Variants in PIGT observed in about 807,000 individuals in gnomAD.
PIGT encodes the protein GPI-anchor transamidase component PIGT.
A neutral mutation model predicts 66.7 loss-of-function variants in PIGT; 57 were observed. The ratio of observed to expected loss-of-function variants is 0.86; its 90% CI spans 0.69 to 1.07. The LOEUF (loss-of-function observed/expected upper bound fraction) is 1.07. Among genes scored for constraint, PIGT ranks in the 50% least tolerant of loss-of-function variants. The pLI is 0.00. For missense variants in PIGT, 725 were observed against 740.4 expected, an observed-to-expected ratio of 0.98 and a Z score of 0.24; for synonymous variants, 362 against 320.5, an observed-to-expected ratio of 1.13 and a Z score of -1.38.
chr20:45,416,359 C>G lies in PIGT; in HGVS notation c.187+16C>G, dbSNP rs1266498109. Reference sequence around the variant, plus strand: ...CGGGAAGGAGGTGAGGGCGCGAGATCTGACCAGGGAAAGATTTCCGTAGTG... The same window carrying G: ...CGGGAAGGAGGTGAGGGCGCGAGATGTGACCAGGGAAAGATTTCCGTAGTG... On this transcript the variant is annotated intron_variant, in intron 1 of 11. Coordinates refer to ENST00000279036, the MANE Select transcript of PIGT (RefSeq NM_015937.6). 2 of 1,571,278 alleles carry G rather than the reference C, an allele frequency of 1.3e-6. No homozygotes were observed. Among genetic ancestry groups the G allele is most frequent in the Non-Finnish European group, 8.6e-7 (1 of 1,156,152 alleles).
rs1313278332 is a variant in PIGT at position 45,424,816 on chromosome 20, T to C, written c.1484+237T>C. 8.9e-6 allele frequency: 5 copies of C among 559,268 alleles called. No homozygotes were observed. The Admixed American group carries it at 9.1e-5, about 10-fold the overall frequency. 34.6% of individuals were successfully genotyped at this position (559,268 alleles called of 1,614,324 possible). A position where few individuals can be genotyped will look rare whatever the true frequency, so the allele number is the denominator to read the frequency against. On this transcript the variant is annotated intron_variant, in intron 11 of 11. Transcript: ENST00000279036. ...TTTACTTACAGCCTACATTTACTTC[T>C]TGATGCTCTTAAATATTTAATCAAG...
At chr20:45,418,139 C>T (rs971280990) in intron 2 of PIGT, 2 of 152,728 alleles carry the variant, frequency 1.3e-5, no homozygotes, top group Admixed American at 1.3e-4. Context: ...AATCCTAGAA[C>T]AGTTGTTTTT....
Position 45,416,289 on chromosome 20 carries a change from G to A in PIGT, c.133G>A (p.Ala45Thr), listed in dbSNP as rs1485535373. 1 of 1,598,630 alleles carries A rather than the reference G, an allele frequency of 6.3e-7. No individual in the cohort carries two copies. Among genetic ancestry groups the A allele is most frequent in the East Asian group, 2.3e-5 (1 of 44,146 alleles). ...VITPLPSGDV[A>T]ATFQFRTRWD... ...CACCCCGCTGCCTTCCGGGGACGTA[G>A]CCGCCACATTCCAGTTCCGCACGCG... is the stretch of plus-strand genomic sequence containing the variant. The change falls in exon 1 of 12, where the codon GCC (alanine) becomes ACC (threonine). Residue 45 changes from alanine (A) to threonine (T), a missense_variant. Physicochemically the swap from Ala to Thr is moderately conservative, Grantham distance 58 (BLOSUM62 0). Around this residue, in one of 3 missense-constraint regions of PIGT, gnomAD observed 559 missense variants for 552.7 expected, o/e 1.01. Transcript: ENST00000279036.
intron 11 of PIGT, 89 bp downstream of exon 11, chr20:45,424,668 G>C (rs1423028387): frequency 1.1e-6 from 1 of 930,528 alleles, no homozygotes; most frequent in African/African-American, 1.6e-5. Context: ...GGGAGTTCAG[G>C]GTAGATGTTA....
rs1482201175 is a variant in PIGT at position 45,425,957 on chromosome 20, A to T, written c.*131A>T. On this transcript the variant is annotated 3_prime_UTR_variant, in exon 12 of 12. Coordinates refer to ENST00000279036, the MANE Select transcript of PIGT (RefSeq NM_015937.6). ...TGCCCTGGACCAGGTCAGGGCCTAC[A>T]GCTGTGTTGTCCAGTACAGGAGCCA... The T allele has an allele frequency of 6.0e-6, 6 of 999,986 alleles. No homozygotes were observed. The African/African-American group carries it at 9.8e-5, about 16-fold the overall frequency. 61.9% of individuals were successfully genotyped at this position (999,986 alleles called of 1,614,324 possible).
intron 6 of PIGT, 49 bp downstream of exon 6, chr20:45,420,272 T>G: frequency 1.3e-6 from 2 of 1,594,240 alleles, no homozygotes; most frequent in Non-Finnish European, 1.7e-6. Context: ...CAGCCCTGCC[T>G]TATCTATGTG....
At chr20:45,424,632 T>A in intron 11 of PIGT, 53 bp downstream of exon 11, 1 of 1,431,676 alleles carries the variant, frequency 7.0e-7, no homozygotes, top group Non-Finnish European at 9.9e-7. Flanking sequence ...TGCTGGGCCT[T>A]AACACAGGTG....
rs751060494 is a variant in PIGT, at chr20:45,424,500, T to C, written c.1405T>C (p.Ser469Pro). The change falls in exon 11 of 12, where the codon TCT (serine) becomes CCT (proline). Residue 469 changes from serine to proline, a missense_variant. Physicochemically the swap from Ser to Pro is moderately conservative, Grantham distance 74 (BLOSUM62 -1). Transcript: ENST00000279036. ...CATCTCTCTGCTTCTCTGTAGCCCATCTGTCCTCAGCGCCCTTGTGCCCAG... is the reference window on the plus strand; with the variant it reads ...CATCTCTCTGCTTCTCTGTAGCCCACCTGTCCTCAGCGCCCTTGTGCCCAG... ...DPNHGFYVSP[S>P]VLSALVPSMV... is the part of the protein sequence containing the mutation. 27 of 1,614,046 alleles carry C rather than the reference T, an allele frequency of 1.7e-5. No individual in the cohort carries two copies. Among genetic ancestry groups the C allele is most frequent in the Non-Finnish European group, 2.1e-5 (25 of 1,180,018 alleles).
chr20:45,422,165 A>G (rs1045344707), intron 9 of PIGT: 1 of 152,156 alleles, frequency 6.6e-6, no homozygotes, highest in Non-Finnish European at 1.5e-5. Context: ...GTAGTAAAGT[A>G]AAAGACCTCT....
chr20:45,416,350 G>A lies in PIGT; in HGVS notation c.187+7G>A. On this transcript the variant is annotated splice_region_variant and intron_variant, in intron 1 of 11. Transcript: ENST00000279036. ...GAGCTTCAGCGGGAAGGAGGTGAGG[G>A]CGCGAGATCTGACCAGGGAAAGATT... 1.3e-6 allele frequency: 2 copies of A among 1,577,668 alleles called. No individual in the cohort carries two copies. Among genetic ancestry groups the A allele is most frequent in the African/African-American group, 1.3e-5 (1 of 74,292 alleles).
chr20:45,425,998 A>C lies in PIGT; in HGVS notation c.*172A>C. 3 of 667,954 alleles carry C rather than the reference A, an allele frequency of 4.5e-6. No homozygotes were observed. The highest frequency in any genetic ancestry group is 7.5e-6 in the Non-Finnish European group (3 of 399,888). 41.4% of individuals were successfully genotyped at this position (667,954 alleles called of 1,614,324 possible). A position where few individuals can be genotyped will look rare whatever the true frequency, so the allele number is the denominator to read the frequency against. On this transcript the variant is annotated 3_prime_UTR_variant, in exon 12 of 12. Transcript: ENST00000279036. ...ACAGGAGCCACGAGCCAAATGTGGC[A>C]TTTGAATTTGAATTAACTTAGAAAT... is the stretch of plus-strand genomic sequence containing the variant.
Position 45,420,620 on chromosome 20 carries a change from G to C in PIGT, c.960G>C (p.Leu320Phe). ...GGAAGACCTATGCCATCTATGACTT[G>C]CTTGACACCGCCATGATCAACAACT... ...GTRKTYAIYD[L>F]LDTAMINNSR... Residue 320 changes from leucine (L) to phenylalanine (F), a missense_variant, in exon 8 of 12, where the codon TTG becomes TTC. Transcript: ENST00000279036. 6.2e-7 allele frequency: 1 copy of C among 1,613,762 alleles called. No homozygotes were observed. Among genetic ancestry groups the C allele is most frequent in the Non-Finnish European group, 8.5e-7 (1 of 1,180,002 alleles).
chr20:45,419,091 CTG>C, intron 3 of PIGT, 112 bp downstream of exon 3: 1 of 1,404,406 alleles, frequency 7.1e-7, no homozygotes, highest in East Asian at 2.3e-5. Flanking sequence ...CCTAAGTCCC[CTG>C]TGTGTGCAGG....
At position 45,425,730 on chromosome 20, in the gene PIGT, C is replaced by T. The variant is rs771339848; in HGVS notation, c.1641C>T (p.Leu547=). 2.5e-6 allele frequency: 4 copies of T among 1,614,030 alleles called. No individual in the cohort carries two copies. In the Admixed American group the frequency reaches 5.0e-5, roughly 20 times the overall value. ...AVCYGSFYNL[L]TRTFHIEEPR... ...GCTATGGCTCCTTCTACAATCTCCT[C>T]ACCCGAACCTTCCACATCGAGGAGC... The change falls in exon 12 of 12, where the codon CTC becomes CTT. Residue 547 remains leucine (L), a synonymous_variant. Coordinates refer to ENST00000279036, the MANE Select transcript of PIGT (RefSeq NM_015937.6).
intron 9 of PIGT, chr20:45,422,604 A>AT (rs941901679): frequency 1.3e-5 from 2 of 151,826 alleles, no homozygotes; most frequent in Non-Finnish European, 1.5e-5. Context: ...CATGCCTTTA[A>AT]TTTTTTCACA....
intron 9 of PIGT, chr20:45,423,604 A>G (rs1990519780): frequency 1.3e-5 from 2 of 152,156 alleles, no homozygotes; most frequent in Admixed American, 6.5e-5. Context: ...GAGTTCCCAT[A>G]TACTCCCTGT....
rs4812899 is a variant in PIGT at position 45,421,702 on chromosome 20, T to C, written c.1234+119T>C. 0.44 allele frequency: 332,608 copies of C among 752,080 alleles called. 78,587 individuals carry two copies. Among genetic ancestry groups the C allele is most frequent in the Non-Finnish European group, 0.49 (220,079 of 447,172 alleles). 46.6% of individuals were successfully genotyped at this position (752,080 alleles called of 1,614,324 possible). On this transcript the variant is annotated intron_variant, in intron 9 of 11. Coordinates refer to ENST00000279036, the MANE Select transcript of PIGT (RefSeq NM_015937.6). ...GTACCTCTGAAAAGCTACACAGGCA[T>C]AAAGAGTAAGGAATAGTTTCTCAAA...
intron 11 of PIGT, 70 bp downstream of exon 11, chr20:45,424,649 C>A: frequency 8.3e-7 from 1 of 1,201,760 alleles, no homozygotes; most frequent in Non-Finnish European, 1.2e-6. Context: ...GGTGACCAGG[C>A]TCCTGCAGGG....
In PIGT at chr20:45,416,186, C is replaced by T. The variant is rs762653593; in HGVS notation, c.30C>T (p.Leu10=). 12 of 1,584,826 alleles carry T rather than the reference C, an allele frequency of 7.6e-6. No individual in the cohort carries two copies. The highest frequency in any genetic ancestry group is 4.7e-5 in the East Asian group (2 of 42,958). Residue 10 remains leucine, a synonymous_variant, in exon 1 of 12, where the codon CTC becomes CTT. Transcript: ENST00000279036. MAAAMPLAL[L]VLLLLGPGGW... ...CGGCGGCTATGCCGCTTGCTCTGCTCGTCCTGTTGCTCCTGGGGCCCGGCG... is the reference window on the plus strand; with the variant it reads ...CGGCGGCTATGCCGCTTGCTCTGCTTGTCCTGTTGCTCCTGGGGCCCGGCG...
Sources: allele counts gnomAD v4.1 joint callset, GRCh38; gene constraint gnomAD v4.1.1; regional missense constraint gnomAD v4.1.1; transcripts MANE v1.5; gene names NCBI Gene and HGNC (gene_info 2026-07-23, HGNC 2026-07-21).